The following SOX6 variants were observed in gnomAD, a reference collection of about 807,000 sequenced individuals.
SOX6 encodes the protein SRY-box transcription factor 6.
In SOX6, 11 loss-of-function variants were observed where a neutral mutation model predicts 97.8. The ratio of observed to expected loss-of-function variants is 0.11; its 90% CI spans 0.07 to 0.19. SOX6 has a LOEUF of 0.19. Ranked by LOEUF, SOX6 falls within the 10% of genes least tolerant of loss-of-function variation. The pLI is 1.00. For missense variants in SOX6, 810 were observed against 1,039.5 expected, an observed-to-expected ratio of 0.78 and a Z score of 3.04; for synonymous variants, 360 against 371.4, an observed-to-expected ratio of 0.97 and a Z score of 0.35.
At chr11:16,622,269 T>A (rs1425909050) in intron 3 of SOX6, among the ~76,000 whole-genome samples, 3 of 152,196 alleles carry the variant, frequency 2.0e-5, no homozygotes, top group Admixed American at 2.0e-4. Flanking sequence ...TGTATACTGA[T>A]TTATTTTATT....
At chr11:16,236,661 T>G (rs1391567610) in intron 3 of SOX6, among the ~76,000 whole-genome samples, 1 of 151,980 alleles carries the variant, frequency 6.6e-6, no homozygotes, top group African/African-American at 2.4e-5. Context: ...TTTGTAATAA[T>G]AACAAATTCA....
chr11:16,419,383 T>C (rs1858985713), intron 1 of SOX6, among the ~76,000 whole-genome samples: 1 of 152,104 alleles, frequency 6.6e-6, no homozygotes, highest in Non-Finnish European at 1.5e-5. Flanking sequence ...TATAAACTAG[T>C]AAAAAAATCA....
At chr11:16,687,179 C>G (rs1041380954) in intron 3 of SOX6, among the ~76,000 whole-genome samples, 56 of 152,140 alleles carry the variant, frequency 3.7e-4, no homozygotes, top group African/African-American at 1.3e-3. Context: ...GAAAGGTTTG[C>G]TTGGCTCACA....
intron 4 of SOX6, among the ~76,000 whole-genome samples, chr11:16,223,336 G>A (rs988241847): frequency 4.6e-5 from 7 of 151,986 alleles, no homozygotes; most frequent in East Asian, 3.9e-4. Context: ...TTTCTTTATC[G>A]AGATAAGAAA....
intron 3 of SOX6, among the ~76,000 whole-genome samples, chr11:16,306,195 T>C (rs2134281601): frequency 6.6e-6 from 1 of 152,308 alleles, no homozygotes; most frequent in South Asian, 2.1e-4. Flanking sequence ...TACAACAGTT[T>C]TCTAAAATAT....
intron 3 of SOX6, among the ~76,000 whole-genome samples, chr11:16,637,733 T>A (rs1160951389): frequency 1.3e-5 from 2 of 152,130 alleles, no homozygotes; most frequent in African/African-American, 4.8e-5. Context: ...GTCTGGATCC[T>A]AAGCTAATGA....
chr11:16,191,996 T>C (rs1851645575), intron 4 of SOX6, among the ~76,000 whole-genome samples: 1 of 152,116 alleles, frequency 6.6e-6, no homozygotes, highest in South Asian at 2.1e-4. Context: ...TTAATTTGAC[T>C]AAACACCTGA....
intron 12 of SOX6, among the ~76,000 whole-genome samples, chr11:16,040,635 C>A (rs1161632683): frequency 6.6e-6 from 1 of 151,980 alleles, no homozygotes; most frequent in African/African-American, 2.4e-5. Context: ...ATAATTTTAG[C>A]ATTCACTTCA....
intron 3 of SOX6, among the ~76,000 whole-genome samples, chr11:16,629,402 A>C (rs1565197912): frequency 6.6e-6 from 1 of 152,094 alleles, no homozygotes; most frequent in Non-Finnish European, 1.5e-5. Flanking sequence ...CACATTTATT[A>C]ATTTGTGTCT....
intron 3 of SOX6, among the ~76,000 whole-genome samples, chr11:16,638,265 A>G (rs1032509846): frequency 7.2e-5 from 11 of 152,136 alleles, no homozygotes; most frequent in African/African-American, 2.4e-4. Context: ...ATAGTATTCC[A>G]TGGTGTATAT....
At chr11:16,695,254 C>G (rs1450112760) in intron 3 of SOX6, among the ~76,000 whole-genome samples, 1 of 152,150 alleles carries the variant, frequency 6.6e-6, no homozygotes, top group South Asian at 2.1e-4. Context: ...ACAGATTGCA[C>G]AAAGGTGAAT....
intron 4 of SOX6, among the ~76,000 whole-genome samples, chr11:16,203,559 A>G (rs1250592983): frequency 6.6e-6 from 1 of 152,168 alleles, no homozygotes; most frequent in East Asian, 1.9e-4. Flanking sequence ...ATCAAACATA[A>G]ACGCTTAAAT....
At chr11:16,681,319 A>T (rs1026920212) in intron 3 of SOX6, among the ~76,000 whole-genome samples, 23 of 152,176 alleles carry the variant, frequency 1.5e-4, no homozygotes, top group Non-Finnish European at 1.5e-5. Context: ...TCAAAACTAC[A>T]CAACTACATG....
intron 4 of SOX6, among the ~76,000 whole-genome samples, chr11:16,510,762 C>T (rs1361524832): frequency 6.6e-6 from 1 of 151,968 alleles, no homozygotes; most frequent in Admixed American, 6.6e-5. Flanking sequence ...GTTATATGTA[C>T]ATCCTGGAGA....
chr11:16,738,457 C>A (rs1170717603), exon 1 of SOX6: 2 of 433,434 alleles, frequency 4.6e-6, no homozygotes, highest in Non-Finnish European at 8.5e-6. Flanking sequence ...GCTTCCTCCA[C>A]CAGCCGAAGG....
chr11:16,353,982 AG>A (rs1857014603), intron 1 of SOX6, among the ~76,000 whole-genome samples: 1 of 152,064 alleles, frequency 6.6e-6, no homozygotes, highest in Non-Finnish European at 1.5e-5. Flanking sequence ...TTTCTTCAAA[AG>A]TAATACTTTA....
intron 9 of SOX6, among the ~76,000 whole-genome samples, chr11:16,072,945 A>G (rs779643240): frequency 2.0e-5 from 3 of 152,208 alleles, no homozygotes; most frequent in Non-Finnish European, 4.4e-5. Context: ...CCCTTAAGGG[A>G]GTGCTAAATG....
At chr11:16,285,581 A>T (rs1854711313) in intron 3 of SOX6, among the ~76,000 whole-genome samples, 1 of 152,098 alleles carries the variant, frequency 6.6e-6, no homozygotes, top group Non-Finnish European at 1.5e-5. Context: ...AATTTAAAAA[A>T]TTTTAAATGT....
intron 3 of SOX6, among the ~76,000 whole-genome samples, chr11:16,280,410 C>A (rs1241606749): frequency 6.6e-6 from 1 of 150,448 alleles, no homozygotes; most frequent in East Asian, 2.0e-4. Context: ...GTATGCATGA[C>A]TTTCACTTTC....
Sources: allele counts gnomAD v4.1 joint callset (sites outside exome capture counted in the v4.1 genomes callset), GRCh38; gene constraint gnomAD v4.1.1; transcripts MANE v1.5; gene names NCBI Gene and HGNC (gene_info 2026-07-23, HGNC 2026-07-21).